Variants in VCPKMT observed in about 807,000 individuals in gnomAD.
The protein encoded by VCPKMT is valosin containing protein lysine methyltransferase.
VCPKMT carries 32 observed loss-of-function variants against 28.6 expected under a neutral mutation model. That is an observed-to-expected ratio of 1.12 (90% CI 0.84 to 1.50). The LOEUF is 1.50. VCPKMT is among the 40% of genes most tolerant of loss of function. VCPKMT has a pLI of 0.00. For missense variants in VCPKMT, 366 were observed against 285.0 expected, an observed-to-expected ratio of 1.28 and a Z score of -2.05; for synonymous variants, 138 against 111.4, an observed-to-expected ratio of 1.24 and a Z score of -1.50.
chr14:50,106,351 C>T (rs568215783), downstream of VCPKMT, among the ~76,000 whole-genome samples: 49 of 152,316 alleles, frequency 3.2e-4, no homozygotes, highest in African/African-American at 1.0e-3. Context: ...GCAGAGGCAA[C>T]CCACACTTGC....
intron 5 of VCPKMT, 91 bp downstream of exon 5, chr14:50,112,523 CA>C: frequency 1.4e-6 from 1 of 697,664 alleles, no homozygotes; most frequent in Non-Finnish European, 2.3e-6. Context: ...TTCTCCACAT[CA>C]AAATCAACGC....
chr14:50,105,710 C>T (rs1380667765), downstream of VCPKMT, among the ~76,000 whole-genome samples: 1 of 152,126 alleles, frequency 6.6e-6, no homozygotes, highest in African/African-American at 2.4e-5. Context: ...TGGTTATAAA[C>T]TGTGGCAGAT....
chr14:50,114,199 A>C (rs1270861749), intron 4 of VCPKMT, 86 bp downstream of exon 4: 2 of 1,296,068 alleles, frequency 1.5e-6, no homozygotes, highest in East Asian at 2.8e-5. Context: ...TTCCCCACCC[A>C]AAATTACCAT....
downstream of VCPKMT, among the ~76,000 whole-genome samples, chr14:50,107,919 G>A (rs1188810942): frequency 1.3e-5 from 2 of 152,110 alleles, no homozygotes; most frequent in African/African-American, 2.4e-5. Context: ...CAGGTGCAGT[G>A]GCTCATGGCT....
intron 5 of VCPKMT, among the ~76,000 whole-genome samples, chr14:50,112,393 G>GAAA (rs1491164359): frequency 7.1e-5 from 4 of 56,416 alleles, no homozygotes; most frequent in South Asian, 8.7e-4. Flanking sequence ...TAAAAAATAC[G>GAAA]AGAAAAAAAA....
At position 50,116,345 on chromosome 14, in the gene VCPKMT, A is replaced by C; in HGVS notation, c.208T>G (p.Ser70Ala). Residue 70 changes from serine (S) to alanine (A), a missense_variant, in exon 1 of 6, where the codon TCG becomes GCG. Transcript: ENST00000395860. ...GTGCCCGAACCCAGCTCCAGCACCG[A>C]CCGCCGGCTCAGCGCGTGGGCCCCG... ...GDGAHALSRR[S>A]VLELGSGTGA... 6.2e-7 allele frequency: 1 copy of C among 1,612,188 alleles called. No homozygotes were observed. The highest frequency in any genetic ancestry group is 8.5e-7 in the Non-Finnish European group (1 of 1,179,238).
chr14:50,105,033 C>CT (rs141368533), downstream of VCPKMT, among the ~76,000 whole-genome samples: 21 of 149,314 alleles, frequency 1.4e-4, no homozygotes, highest in South Asian at 8.5e-4. Context: ...AAAAGGTAGG[C>CT]TTTTTTTTTT....
At chr14:50,107,794 C>T (rs1295041307), downstream of VCPKMT, among the ~76,000 whole-genome samples, 2 of 152,086 alleles carry the variant, frequency 1.3e-5, no homozygotes, top group Non-Finnish European at 2.9e-5. Context: ...CCCGACTCCT[C>T]CAGGAAATTA....
rs752899632 is a variant in VCPKMT, at chr14:50,112,722, A to G, written c.571-3T>C. The G allele has an allele frequency of 6.5e-7, 1 of 1,549,026 alleles. No homozygotes were observed. Among genetic ancestry groups the G allele is most frequent in the South Asian group, 1.2e-5 (1 of 84,684 alleles). On this transcript the variant is annotated splice_region_variant and splice_polypyrimidine_tract_variant and intron_variant, in intron 4 of 5. Coordinates refer to ENST00000395860, the MANE Select transcript of VCPKMT (RefSeq NM_024558.3). ...AAGTCAAAATCTAGCTGAAGGAGCT[A>G]TAAATTTAAAAGAGACATACTTCAA...
intron 5 of VCPKMT, chr14:50,111,159 A>C: frequency 1.0e-6 from 1 of 964,856 alleles, no homozygotes; most frequent in Non-Finnish European, 1.2e-6. Context: ...ATCAACTAAA[A>C]AATAAGAGTT....
intron 3 of VCPKMT, 77 bp from the exon 4 acceptor site, chr14:50,114,481 G>A (rs1882961321): frequency 2.9e-6 from 3 of 1,020,630 alleles, no homozygotes; most frequent in Admixed American, 3.7e-5. Context: ...GGAGGTACAG[G>A]GGTATTTATA....
chr14:50,115,960 C>G (rs771171023), intron 2 of VCPKMT, 49 bp from the exon 3 acceptor site: 8 of 1,601,682 alleles, frequency 5.0e-6, no homozygotes, highest in African/African-American at 1.3e-5. Context: ...ATTCAAAATA[C>G]TCTTGTTTTA....
chr14:50,114,748 G>A (rs183949855), intron 3 of VCPKMT, among the ~76,000 whole-genome samples: 1 of 152,324 alleles, frequency 6.6e-6, no homozygotes, highest in East Asian at 1.9e-4. Flanking sequence ...TATTGAGGAG[G>A]CTGAATGGGA....
At chr14:50,106,443 T>C (rs1279967313), downstream of VCPKMT, 6 of 535,958 alleles carry the variant, frequency 1.1e-5, no homozygotes, top group East Asian at 8.9e-4. Context: ...GGCATCACCT[T>C]ATCCATTGCA....
intron 5 of VCPKMT, among the ~76,000 whole-genome samples, chr14:50,110,887 G>T (rs1266206962): frequency 6.6e-6 from 1 of 152,200 alleles, no homozygotes; most frequent in African/African-American, 2.4e-5. Context: ...TGTGCTGAGT[G>T]AAAGAAGACA....
Position 50,109,705 on chromosome 14 carries a change from T to G in VCPKMT, c.684A>C (p.Pro228=). Residue 228 remains proline (P), a synonymous_variant, in exon 6 of 6, where the codon CCA becomes CCC. Transcript: ENST00000395860. ...IYIRKKKSKF[P]S Reference sequence around the variant, plus strand: ...GGTAAGATGATTAAAGGCTTCACGATGGAAATTTCTATAACAAAAAAAAAG... The same window carrying G: ...GGTAAGATGATTAAAGGCTTCACGAGGGAAATTTCTATAACAAAAAAAAAG... The G allele has an allele frequency of 6.2e-7, 1 of 1,601,854 alleles. No homozygotes were observed. The highest frequency in any genetic ancestry group is 1.1e-5 in the South Asian group (1 of 88,712).
At chr14:50,105,517 A>G (rs7159935), downstream of VCPKMT, among the ~76,000 whole-genome samples, 136,300 of 152,166 alleles carry the variant, frequency 0.9, 61,220 homozygotes, top group African/African-American at 0.95. Context: ...TGTAATCCCA[A>G]CTATTTCAGA....
chr14:50,103,719 A>G (rs1882230444), downstream of VCPKMT, among the ~76,000 whole-genome samples: 2 of 152,196 alleles, frequency 1.3e-5, no homozygotes, highest in African/African-American at 2.4e-5. Context: ...ATTTGTTTAA[A>G]TAACAGTACA....
intron 4 of VCPKMT, among the ~76,000 whole-genome samples, chr14:50,114,070 G>A (rs1383051055): frequency 1.3e-5 from 2 of 152,130 alleles, no homozygotes; most frequent in East Asian, 3.8e-4. Flanking sequence ...ACATTCTTCT[G>A]TAGCCATAGA....
Sources: gnomAD v4.1 joint callset for allele counts (sites outside exome capture counted in the v4.1 genomes callset) on GRCh38, gnomAD v4.1.1 for gene constraint, MANE v1.5 for transcripts, NCBI Gene and HGNC (gene_info 2026-07-23, HGNC 2026-07-21) for gene names.